Variants in XKR4 observed in about 807,000 individuals in gnomAD.
XKR4 encodes XK related 4, also known as XK-related protein 4.
XKR4 carries 12 observed loss-of-function variants against 53.9 expected under a neutral mutation model. The observed-to-expected ratio is 0.22, with a 90% CI of 0.14 to 0.36. XKR4 has a LOEUF of 0.36. Ranked by LOEUF, XKR4 falls within the 10% of genes least tolerant of loss-of-function variation. The probability of loss-of-function intolerance (pLI) is 1.00; values close to 1 mark genes in which losing one functional copy is unlikely to be tolerated. For synonymous variants in XKR4, 354 were observed against 362.4 expected, an observed-to-expected ratio of 0.98 and a Z score of 0.26; for missense variants, 799 against 859.5, an observed-to-expected ratio of 0.93 and a Z score of 0.88.
intron 1 of XKR4, among the ~76,000 whole-genome samples, chr8:55,236,924 C>T (rs995437007): frequency 2.0e-5 from 3 of 152,216 alleles, no homozygotes; most frequent in African/African-American, 4.8e-5. Context: ...CCTACCATCT[C>T]ATTTAATTAT....
In XKR4 at chr8:55,524,267, G is replaced by A. The variant is rs1327543787; in HGVS notation, c.*40G>A. The A allele has an allele frequency of 3.8e-6, 6 of 1,572,864 alleles. No homozygotes were observed. Among genetic ancestry groups the A allele is most frequent in the Non-Finnish European group, 4.3e-6 (5 of 1,154,462 alleles). ...CAGGACCCACAACATCCAGATGAAG[G>A]GGTGACAGCAGGGCTGTGGCCATAA... On this transcript the variant is annotated 3_prime_UTR_variant, in exon 3 of 3. Coordinates refer to ENST00000327381, the MANE Select transcript of XKR4 (RefSeq NM_052898.2).
At chr8:55,177,689 A>G (rs1256749053) in intron 1 of XKR4, among the ~76,000 whole-genome samples, 1 of 152,206 alleles carries the variant, frequency 6.6e-6, no homozygotes, top group Non-Finnish European at 1.5e-5. Context: ...CCAACTAGGG[A>G]GATGTCATTG....
At chr8:55,302,241 A>G (rs1381050984) in intron 1 of XKR4, among the ~76,000 whole-genome samples, 2 of 152,208 alleles carry the variant, frequency 1.3e-5, no homozygotes, top group Admixed American at 6.5e-5. Context: ...AGCACCATTT[A>G]TTAAATAGGG....
At chr8:55,454,554 C>T (rs1805526243) in intron 2 of XKR4, 2 of 1,434,048 alleles carry the variant, frequency 1.4e-6, no homozygotes, top group East Asian at 5.0e-5. Context: ...TGCTGATGGG[C>T]AGGGAGTCGG....
intron 2 of XKR4, among the ~76,000 whole-genome samples, chr8:55,499,634 G>A (rs887002207): frequency 8.5e-5 from 13 of 152,162 alleles, no homozygotes; most frequent in Admixed American, 3.3e-4. Context: ...GACTGATCAC[G>A]CCACTGAACT....
rs189410378 is a variant in XKR4 at position 55,467,808 on chromosome 8, T to A, written c.1007-55473T>A. Among the ~76,000 whole-genome samples the A allele has an allele frequency of 2.9e-3, 440 of 152,276 alleles. 3 individuals carry two copies. The highest frequency in any genetic ancestry group is 9.8e-3 in the African/African-American group (409 of 41,532). On this transcript the variant is annotated intron_variant, in intron 2 of 2. Transcript: ENST00000327381. ...TTGCTTTTCTTTTGCAAATGACCAG[T>A]CCATTTATGTGGTTGTTTTCCTCTA...
At chr8:55,179,995 A>G (rs571945571) in intron 1 of XKR4, among the ~76,000 whole-genome samples, 3 of 152,176 alleles carry the variant, frequency 2.0e-5, no homozygotes, top group African/African-American at 7.2e-5. Flanking sequence ...CCTTAATTAT[A>G]CTCATTCTTT....
chr8:55,300,491 A>G (rs2129376705), intron 1 of XKR4, among the ~76,000 whole-genome samples: 1 of 152,240 alleles, frequency 6.6e-6, no homozygotes, highest in Admixed American at 6.5e-5. Context: ...GCAAGGAGAT[A>G]GAGTGGGCAG....
chr8:55,356,170 G>A (rs1213101552), intron 1 of XKR4, among the ~76,000 whole-genome samples: 1 of 152,142 alleles, frequency 6.6e-6, no homozygotes, highest in Non-Finnish European at 1.5e-5. Context: ...GAAGGATGAT[G>A]GACTCTGAAT....
At chr8:55,243,864 G>A (rs1015138657) in intron 1 of XKR4, among the ~76,000 whole-genome samples, 3 of 152,210 alleles carry the variant, frequency 2.0e-5, no homozygotes, top group African/African-American at 4.8e-5. Flanking sequence ...GCATGGTAGC[G>A]ATGAAGGATA....
At chr8:55,154,486 A>C (rs1816880023) in intron 1 of XKR4, among the ~76,000 whole-genome samples, 1 of 152,198 alleles carries the variant, frequency 6.6e-6, no homozygotes, top group Non-Finnish European at 1.5e-5. Flanking sequence ...TTAAAAGTTA[A>C]ATATTCCCAA....
intron 1 of XKR4, among the ~76,000 whole-genome samples, chr8:55,205,859 T>C (rs968798897): frequency 3.9e-5 from 6 of 152,072 alleles, no homozygotes; most frequent in Non-Finnish European, 8.8e-5. Context: ...ACCCTCGTGG[T>C]GAGTGTTAGG....
intron 2 of XKR4, among the ~76,000 whole-genome samples, chr8:55,435,530 A>C (rs981187356): frequency 6.6e-6 from 1 of 151,438 alleles, no homozygotes; most frequent in African/African-American, 2.4e-5. Flanking sequence ...CTTTGCCTAC[A>C]GCTAGACCTA....
At chr8:55,491,625 G>GGTCT (rs1554530563) in intron 2 of XKR4, among the ~76,000 whole-genome samples, 1 of 149,776 alleles carries the variant, frequency 6.7e-6, no homozygotes, top group Non-Finnish European at 1.5e-5. Context: ...TGTCTTTGGG[G>GGTCT]GTTTGTTTGT....
rs75222610 is a variant in XKR4 at position 55,418,380 on chromosome 8, T to C, written c.1006+60503T>C. On this transcript the variant is annotated intron_variant, in intron 2 of 2. Transcript: ENST00000327381. Reference sequence around the variant, plus strand: ...AATCCATTCTTCTAGTTGTTCAGGCTAAAACCCTTTCTGCTATTCTAGATT... The same window carrying C: ...AATCCATTCTTCTAGTTGTTCAGGCCAAAACCCTTTCTGCTATTCTAGATT... Among the ~76,000 whole-genome samples the C allele has an allele frequency of 1.6e-3, 244 of 152,360 alleles. 1 individual carries two copies. The highest frequency in any genetic ancestry group is 2.5e-3 in the Non-Finnish European group (171 of 68,032).
intron 2 of XKR4, among the ~76,000 whole-genome samples, chr8:55,519,620 A>T (rs1806769845): frequency 6.6e-6 from 1 of 152,236 alleles, no homozygotes; most frequent in East Asian, 1.9e-4. Flanking sequence ...CTGATTCTAG[A>T]CTTGATCCTG....
At chr8:55,363,706 C>T (rs926440039) in intron 2 of XKR4, among the ~76,000 whole-genome samples, 9 of 152,154 alleles carry the variant, frequency 5.9e-5, no homozygotes, top group East Asian at 1.9e-4. Flanking sequence ...TCCTTTGCCC[C>T]GTACCACTGT....
chr8:55,168,804 T>C (rs1467827922), intron 1 of XKR4, among the ~76,000 whole-genome samples: 1 of 152,172 alleles, frequency 6.6e-6, no homozygotes, highest in Non-Finnish European at 1.5e-5. Flanking sequence ...GCCGGGACTG[T>C]CTGCCTTTAT....
chr8:55,349,168 CA>C (rs1366437009), intron 1 of XKR4, among the ~76,000 whole-genome samples: 2 of 152,120 alleles, frequency 1.3e-5, no homozygotes, highest in African/African-American at 2.4e-5. Flanking sequence ...CATTTTTTAA[CA>C]GGATGGAAAC....
Sources: allele counts gnomAD v4.1 joint callset (sites outside exome capture counted in the v4.1 genomes callset), GRCh38; gene constraint gnomAD v4.1.1; transcripts MANE v1.5; gene names NCBI Gene and HGNC (gene_info 2026-07-23, HGNC 2026-07-21).